The following SEMA5B variants were observed in gnomAD, a reference collection of about 807,000 sequenced individuals.
The protein encoded by SEMA5B is semaphorin 5B.
Under a neutral mutation model 135.0 loss-of-function variants are expected in SEMA5B, and 66 were observed. The observed-to-expected ratio is 0.49, with a 90% confidence interval of 0.40 to 0.60. The LOEUF (loss-of-function observed/expected upper bound fraction) is 0.60. SEMA5B is among the 20% of genes least tolerant of loss of function. The pLI is 0.00. For synonymous variants in SEMA5B, 690 were observed against 639.5 expected, an observed-to-expected ratio of 1.08 and a Z score of -1.19; for missense variants, 1,501 against 1,566.3, an observed-to-expected ratio of 0.96 and a Z score of 0.70.
chr3:122,928,665 C>T, intron 6 of SEMA5B, 50 bp from the exon 7 acceptor site: 1 of 1,320,158 alleles, frequency 7.6e-7, no homozygotes, highest in Non-Finnish European at 1.1e-6. Flanking sequence ...AGGTGCGATG[C>T]TGGATATCTC....
rs771763046 is a variant in SEMA5B at position 122,913,699 on chromosome 3, G to A, written c.2133-18C>T. 9.9e-6 allele frequency: 16 copies of A among 1,611,728 alleles called. No homozygotes were observed. The Admixed American group carries it at 2.7e-4, about 27-fold the overall frequency. On this transcript the variant is annotated intron_variant, in intron 15 of 22. Transcript: ENST00000357599. ...TACAGAACCTGGGGTCGGGGGAGAG[G>A]CGTCAATCCAGGGAGGGGGACCCCC...
intron 10 of SEMA5B, 62 bp downstream of exon 10, chr3:122,923,555 T>A: frequency 6.3e-7 from 1 of 1,593,040 alleles, no homozygotes; most frequent in Non-Finnish European, 8.6e-7. Flanking sequence ...AATCAGCTTG[T>A]GGCTGGTAAT....
At chr3:122,941,964 T>C (rs1296266084) in intron 4 of SEMA5B, among the ~76,000 whole-genome samples, 1 of 152,166 alleles carries the variant, frequency 6.6e-6, no homozygotes, top group Non-Finnish European at 1.5e-5. Flanking sequence ...TCCATCCTCC[T>C]GTATAGTTGC....
At chr3:122,911,226 A>G (rs1937681939) in intron 21 of SEMA5B, 181 bp from the exon 22 acceptor site, 2 of 1,074,572 alleles carry the variant, frequency 1.9e-6, no homozygotes, top group Non-Finnish European at 1.3e-6. Flanking sequence ...CTCTTTCACA[A>G]GGTACCCTGT....
intron 1 of SEMA5B, among the ~76,000 whole-genome samples, chr3:123,020,059 A>T (rs1942642955): frequency 1.3e-5 from 2 of 152,256 alleles, no homozygotes; most frequent in African/African-American, 4.8e-5. Flanking sequence ...CCATGTGAAA[A>T]AGCATCAATA....
intron 2 of SEMA5B, among the ~76,000 whole-genome samples, chr3:122,953,885 G>A (rs1940165221): frequency 6.6e-6 from 1 of 152,126 alleles, no homozygotes. Context: ...TATGTACCAT[G>A]GGGTCCCCAT....
intron 20 of SEMA5B, among the ~76,000 whole-genome samples, 161 bp from the exon 21 acceptor site, chr3:122,911,696 C>A (rs1937719854): frequency 6.6e-6 from 1 of 152,236 alleles, no homozygotes; most frequent in Non-Finnish European, 1.5e-5. Context: ...TCAGACCCCA[C>A]CTCTGAGAAG....
At chr3:123,028,471 A>T (rs1942860319), upstream of SEMA5B, 1 of 152,254 alleles carries the variant, frequency 6.6e-6, no homozygotes, top group Non-Finnish European at 1.5e-5. Flanking sequence ...AAGAACGAGT[A>T]GGGGATACGG....
At chr3:122,958,804 C>T (rs1228518724) in intron 2 of SEMA5B, among the ~76,000 whole-genome samples, 2 of 152,078 alleles carry the variant, frequency 1.3e-5, no homozygotes. Context: ...ACCCCCTTGC[C>T]CTCTCCCAGG....
At chr3:122,914,032 G>A in intron 14 of SEMA5B, 31 bp from the exon 15 acceptor site, 6 of 1,533,086 alleles carry the variant, frequency 3.9e-6, no homozygotes, top group Non-Finnish European at 1.8e-6. Context: ...AGAGACAGAT[G>A]CCCCTCTGAG....
intron 1 of SEMA5B, among the ~76,000 whole-genome samples, chr3:122,967,029 C>T (rs770737093): frequency 4.6e-5 from 7 of 151,698 alleles, no homozygotes; most frequent in Non-Finnish European, 7.4e-5. Flanking sequence ...GGATTGCAGG[C>T]GCCCGCCACC....
At chr3:122,946,030 T>C (rs1445166752) in intron 3 of SEMA5B, among the ~76,000 whole-genome samples, 1 of 152,156 alleles carries the variant, frequency 6.6e-6, no homozygotes, top group Non-Finnish European at 1.5e-5. Context: ...GGGAAGGCTG[T>C]CTTTAAAACA....
At chr3:122,997,298 C>T (rs972058305) in intron 1 of SEMA5B, among the ~76,000 whole-genome samples, 3 of 152,238 alleles carry the variant, frequency 2.0e-5, no homozygotes, top group Admixed American at 1.3e-4. Flanking sequence ...CTTCACCTCC[C>T]CTCTCCTCAG....
Position 122,913,984 on chromosome 3 carries a change from G to A in SEMA5B, c.2006C>T (p.Pro669Leu), listed in dbSNP as rs1017293880. 5.6e-6 allele frequency: 9 copies of A among 1,603,936 alleles called. No individual in the cohort carries two copies. The highest frequency in any genetic ancestry group is 6.8e-6 in the Non-Finnish European group (8 of 1,175,522). Residue 669 changes from proline (P) to leucine (L), a missense_variant, in exon 15 of 23, where the codon CCG becomes CTG. Physicochemically the swap from Pro to Leu is moderately conservative, Grantham distance 98. This residue lies in a region of SEMA5B where 927 missense variants were observed against 881.6 expected (regional missense o/e 1.05). Coordinates refer to ENST00000357599, the MANE Select transcript of SEMA5B (RefSeq NM_001031702.4). The part of the protein sequence containing the change: ...ANCSRNGAWT[P>L]WSSWALCSTS... The stretch of plus-strand genomic sequence containing the variant: ...GCTGCACAGCGCCCACGATGACCAC[G>A]GGGTCCACGCCCCATTCCTGGCGGG...
At chr3:123,022,578 G>A (rs1942710679) in intron 1 of SEMA5B, among the ~76,000 whole-genome samples, 1 of 152,182 alleles carries the variant, frequency 6.6e-6, no homozygotes, top group Non-Finnish European at 1.5e-5. Context: ...GAGAGCTCAA[G>A]GTTAAACTCT....
At chr3:122,943,019 C>T (rs996885382) in intron 4 of SEMA5B, among the ~76,000 whole-genome samples, 3 of 152,232 alleles carry the variant, frequency 2.0e-5, no homozygotes, top group African/African-American at 7.2e-5. Context: ...GGGAAAGGTT[C>T]TACCCCTACC....
chr3:122,912,366 G>T, intron 18 of SEMA5B, 24 bp from the exon 19 acceptor site: 1 of 1,534,930 alleles, frequency 6.5e-7, no homozygotes. Flanking sequence ...GGGTGTGTGA[G>T]GGGCTGTAGG....
intron 1 of SEMA5B, among the ~76,000 whole-genome samples, chr3:122,984,125 A>G (rs1576390153): frequency 6.6e-6 from 1 of 152,192 alleles, no homozygotes; most frequent in Admixed American, 6.5e-5. Context: ...TCTCCGAGTA[A>G]CCTTCCTTCT....
intron 1 of SEMA5B, chr3:122,976,179 G>C: frequency 6.6e-7 from 1 of 1,517,832 alleles, no homozygotes; most frequent in East Asian, 2.5e-5. Context: ...GCAGATGCAA[G>C]AAGTGCTTCT....
Sources: gnomAD v4.1 joint callset for allele counts (sites outside exome capture counted in the v4.1 genomes callset) on GRCh38, gnomAD v4.1.1 for gene constraint, gnomAD v4.1.1 regional missense constraint, MANE v1.5 for transcripts, NCBI Gene and HGNC (gene_info 2026-07-23, HGNC 2026-07-21) for gene names.